C1orf167: variants seen among roughly 807,000 people sequenced by gnomAD.
C1orf167 encodes uncharacterized protein C1orf167.
Under a neutral mutation model 176.5 loss-of-function variants are expected in C1orf167, and 153 were observed. The ratio of observed to expected loss-of-function variants is 0.87; its 90% confidence interval spans 0.76 to 0.99. The LOEUF (loss-of-function observed/expected upper bound fraction) is 0.99, where lower values mean the gene tolerates loss of function less well. C1orf167 is among the 50% of genes least tolerant of loss of function. The pLI is 0.00. For synonymous variants in C1orf167, 594 were observed against 752.7 expected (o/e 0.79, Z 3.45); for missense variants, 1,490 against 1,817.7 (o/e 0.82, Z 3.28).
chr1:11,765,927 C>T lies in C1orf167; in HGVS notation c.141C>T (p.Cys47=), dbSNP rs1409395642. The T allele has an allele frequency of 8.1e-7, 1 of 1,240,284 alleles. No homozygotes were observed. The highest frequency in any genetic ancestry group is 1.0e-6 in the Non-Finnish European group (1 of 964,758). 76.8% of individuals were successfully genotyped at this position (1,240,284 alleles called of 1,614,324 possible). Residue 47 remains cysteine, a synonymous_variant, in exon 3 of 21, where the codon TGC becomes TGT. Transcript: ENST00000688073. ...GACATGACCAGTGGGTGCCCGGGTG[C>T]CAGGTGGAGAGGGGAGGGCCTGCTG... ...SGRHDQWVPG[C]QVERGGPAAT...
chr1:11,765,026 C>T (rs1394865366), intron 2 of C1orf167, among the ~76,000 whole-genome samples: 1 of 116,824 alleles, frequency 8.6e-6, no homozygotes, highest in East Asian at 3.0e-4. Flanking sequence ...TGTGCTCTAG[C>T]CTGAGCCACA....
rs1178098546 is a variant in C1orf167 at position 11,764,368 on chromosome 1, G to A, written c.-33G>A. 1 of 1,283,912 alleles carries A rather than the reference G, an allele frequency of 7.8e-7. No individual in the cohort carries two copies. The highest frequency in any genetic ancestry group is 2.3e-5 in the Admixed American group (1 of 43,564). The allele number at this position is 1,283,912 out of a possible 1,614,324, so 79.5% of individuals were successfully genotyped here. Reference sequence around the variant, plus strand: ...TAAACAGACCAGGCCACTCACTGTGGAGTGGACCAAGGATACTCCTGTCCC... The same window carrying A: ...TAAACAGACCAGGCCACTCACTGTGAAGTGGACCAAGGATACTCCTGTCCC... On this transcript the variant is annotated 5_prime_UTR_variant, in exon 2 of 21. Transcript: ENST00000688073.
At chr1:11,788,790 C>T in intron 20 of C1orf167, 44 bp downstream of exon 20, 1 of 1,293,234 alleles carries the variant, frequency 7.7e-7, no homozygotes, top group Non-Finnish European at 1.0e-6. Flanking sequence ...GCATTCCACT[C>T]AGCCAGCCTT....
rs961334793 is a variant in C1orf167, at chr1:11,762,195, C to T, written c.-181C>T. Reference sequence around the variant, plus strand: ...CGGGGCAGCACGCTCTGCTCTCCGACGTCCCCTCCCGCCCGCGACCTGCCG... The same window carrying T: ...CGGGGCAGCACGCTCTGCTCTCCGATGTCCCCTCCCGCCCGCGACCTGCCG... On this transcript the variant is annotated 5_prime_UTR_variant, in exon 1 of 21. The change creates a new upstream start codon in the 5' untranslated region. Transcript: ENST00000688073. The T allele has an allele frequency of 8.9e-6, 4 of 449,276 alleles. No individual in the cohort carries two copies. Among genetic ancestry groups the T allele is most frequent in the Admixed American group, 2.4e-5 (1 of 42,210 alleles). The allele number at this position is 449,276 out of a possible 1,614,324, so 27.8% of individuals were successfully genotyped here.
At chr1:11,767,863 C>T (rs1480477942) in intron 4 of C1orf167, among the ~76,000 whole-genome samples, 1 of 152,122 alleles carries the variant, frequency 6.6e-6, no homozygotes, top group African/African-American at 2.4e-5. Flanking sequence ...AGAGGGCATT[C>T]TCCCACCCCC....
rs151261968 is a variant in C1orf167 at position 11,781,988 on chromosome 1, A to G, written c.2861-201A>G. On this transcript the variant is annotated intron_variant, in intron 13 of 20. Transcript: ENST00000688073. The stretch of plus-strand genomic sequence containing the variant: ...AAATACTGTGGCAAAATTAACAAAC[A>G]AAAACAAACCCAACAACTCTATGAG... 1.8e-3 allele frequency among the ~76,000 whole-genome samples: 268 copies of G among 152,312 alleles called. 7 individuals are homozygous for G. Among genetic ancestry groups the G allele is most frequent in the African/African-American group, 5.9e-3 (244 of 41,562 alleles).
At position 11,779,929 on chromosome 1, in the gene C1orf167, C is replaced by T. The variant is rs1185127134; in HGVS notation, c.2779C>T (p.Arg927Trp). 3.8e-6 allele frequency: 5 copies of T among 1,302,216 alleles called. No homozygotes were observed. In the African/African-American group the frequency reaches 4.6e-5, roughly 12 times the overall value. The allele number at this position is 1,302,216 out of a possible 1,614,324, so 80.7% of individuals were successfully genotyped here. The part of the protein sequence containing the change: ...GLWRQRLLQS[R>W]LVEWWAQERG... ...GTGGCGTCAGCGGCTGCTGCAGTCA[C>T]GGCTGGTGGAGTGGTGGGCCCAGGA... Residue 927 changes from arginine (R) to tryptophan (W), a missense_variant, in exon 13 of 21, where the codon CGG becomes TGG. Arg to Trp is a moderately radical substitution (Grantham distance 101). Coordinates refer to ENST00000688073, the MANE Select transcript of C1orf167 (RefSeq NM_001010881.2).
chr1:11,787,410 CCA>C lies in C1orf167; in HGVS notation c.3593_3594del (p.Thr1198ArgfsTer48), dbSNP rs1401118424. 1 of 1,301,956 alleles carries C rather than the reference CCA, an allele frequency of 7.7e-7. No individual in the cohort carries two copies. Among genetic ancestry groups the C allele is most frequent in the African/African-American group, 1.5e-5 (1 of 65,942 alleles). 80.7% of individuals were successfully genotyped at this position (1,301,956 alleles called of 1,614,324 possible). On this transcript the variant is annotated frameshift_variant, in exon 17 of 21. Coordinates refer to ENST00000688073, the MANE Select transcript of C1orf167 (RefSeq NM_001010881.2). LOFTEE classifies it high-confidence loss of function. ...CAGACCCGCAGCTGCTGGACACAGG[CCA>C]CAGAGCTGGTGCCTCCCGCGCCATC...
In C1orf167 at chr1:11,785,070, C is replaced by T. The variant is rs942608612; in HGVS notation, c.3426-78C>T. 8 of 1,143,734 alleles carry T rather than the reference C, an allele frequency of 7.0e-6. No individual in the cohort carries two copies. The African/African-American group carries it at 8.2e-5, about 12-fold the overall frequency. The allele number at this position is 1,143,734 out of a possible 1,614,324, so 70.8% of individuals were successfully genotyped here. A position where few individuals can be genotyped will look rare whatever the true frequency, so the allele number is the denominator to read the frequency against. On this transcript the variant is annotated intron_variant, in intron 15 of 20. Coordinates refer to ENST00000688073, the MANE Select transcript of C1orf167 (RefSeq NM_001010881.2). ...GGGCTGGGCCCGGAAGGCCCCCTCC[C>T]GCAGGGCACTGGGGGGGCTCCCTGC... is the stretch of plus-strand genomic sequence containing the variant.
chr1:11,779,121 A>C, intron 12 of C1orf167, 41 bp downstream of exon 12: 3 of 1,211,362 alleles, frequency 2.5e-6, no homozygotes, highest in Non-Finnish European at 1.1e-6. Context: ...CTATGGACTT[A>C]CTGTTTCCCG....
chr1:11,776,521 A>T lies in C1orf167; in HGVS notation c.2222A>T (p.Gln741Leu). Residue 741 changes from glutamine to leucine, a missense_variant, in exon 10 of 21, where the codon CAG becomes CTG. Physicochemically the swap from Gln to Leu is moderately radical, Grantham distance 113. Coordinates refer to ENST00000688073, the MANE Select transcript of C1orf167 (RefSeq NM_001010881.2). ...GCCTGTGGCCTGGGTGCAGTGGGCCAGGCCCAGGGGCAGCAGGAGCAAGGC... is the reference window on the plus strand; with the variant it reads ...GCCTGTGGCCTGGGTGCAGTGGGCCTGGCCCAGGGGCAGCAGGAGCAAGGC... ...PGACGLGAVG[Q>L]AQGQQEQGRG... is the part of the protein sequence containing the mutation. 1 of 1,298,474 alleles carries T rather than the reference A, an allele frequency of 7.7e-7. No individual in the cohort carries two copies. The highest frequency in any genetic ancestry group is 5.7e-5 in the East Asian group (1 of 17,466). The allele number at this position is 1,298,474 out of a possible 1,614,324, so 80.4% of individuals were successfully genotyped here.
chr1:11,766,053 G>C lies in C1orf167; in HGVS notation c.267G>C (p.Thr89=), dbSNP rs958270790. The change falls in exon 3 of 21, where the codon ACG becomes ACC. Residue 89 remains threonine (T), a synonymous_variant. Transcript: ENST00000688073. The surrounding 1 kb of genome is among the most constrained non-coding windows in gnomAD (Gnocchi z 4.5). ...GPRLGLALKD[T]TGQLVNSSFW... is the part of the protein sequence containing the mutation. ...GCCTGGGCCTAGCTCTGAAGGACACGACTGGCCAACTGGTCAATTCAAGCT... is the reference window on the plus strand; with the variant it reads ...GCCTGGGCCTAGCTCTGAAGGACACCACTGGCCAACTGGTCAATTCAAGCT... The C allele has an allele frequency of 2.3e-6, 3 of 1,289,878 alleles. No homozygotes were observed. The highest frequency in any genetic ancestry group is 4.6e-5 in the Admixed American group (2 of 43,572). 79.9% of individuals were successfully genotyped at this position (1,289,878 alleles called of 1,614,324 possible).
In C1orf167 at chr1:11,768,955, C is replaced by G. The variant is rs892125045; in HGVS notation, c.1543-18C>G. 1.4e-5 allele frequency: 14 copies of G among 985,970 alleles called. No individual in the cohort carries two copies. In the East Asian group the frequency reaches 1.6e-3, roughly 112 times the overall value. 61.1% of individuals were successfully genotyped at this position (985,970 alleles called of 1,614,324 possible). On this transcript the variant is annotated intron_variant, in intron 5 of 20. Transcript: ENST00000688073. This position sits in a 1 kb window ranked among gnomAD's most constrained non-coding sequence, Gnocchi z 4.5. The stretch of plus-strand genomic sequence containing the variant: ...GATTCAAGGCCAACATCTCCTTTCC[C>G]CTTCTCTCTTGAGCCAGTGGAGAAA...
Position 11,776,596 on chromosome 1 carries a change from T to C in C1orf167, c.2297T>C (p.Leu766Pro). 8.2e-7 allele frequency: 1 copy of C among 1,214,404 alleles called. No individual in the cohort carries two copies. Among genetic ancestry groups the C allele is most frequent in the Non-Finnish European group, 1.1e-6 (1 of 945,720 alleles). 75.2% of individuals were successfully genotyped at this position (1,214,404 alleles called of 1,614,324 possible). The change falls in exon 10 of 21, where the codon CTG becomes CCG. Residue 766 changes from leucine (L) to proline (P), a missense_variant. Physicochemically the swap from Leu to Pro is moderately conservative, Grantham distance 98. Transcript: ENST00000688073. Reference sequence around the variant, plus strand: ...TGGACACTGGCCCTCTGCTGGGCGCTGCTGCTGTGGAAGATGCGGCTTTTC... The same window carrying C: ...TGGACACTGGCCCTCTGCTGGGCGCCGCTGCTGTGGAAGATGCGGCTTTTC... Reference protein sequence around the residue: ...ACWTLALCWALLLWKMRLFQR... With the variant: ...ACWTLALCWAPLLWKMRLFQR...
chr1:11,780,082 G>GA (rs1643525130), intron 13 of C1orf167, 72 bp downstream of exon 13: 2 of 1,132,426 alleles, frequency 1.8e-6, no homozygotes, highest in Non-Finnish European at 2.3e-6. Context: ...CCAGACTGCA[G>GA]CCCTGGCCAA....
At chr1:11,775,349 G>A (rs755775000) in intron 8 of C1orf167, 86 bp from the exon 9 acceptor site, 49 of 1,065,244 alleles carry the variant, frequency 4.6e-5, no homozygotes, top group Non-Finnish European at 6.1e-5. Flanking sequence ...CAAGGCCTGG[G>A]TAGTGTGTCT....
At chr1:11,762,417 G>A (rs1408243776) in intron 1 of C1orf167, 112 bp downstream of exon 1, 4 of 349,354 alleles carry the variant, frequency 1.1e-5, no homozygotes, top group Admixed American at 3.8e-5. Flanking sequence ...AGTGGGAGGG[G>A]GGAGTCTGAG....
chr1:11,785,328 C>A (rs1428914400), intron 16 of C1orf167, 39 bp downstream of exon 16: 2 of 1,246,644 alleles, frequency 1.6e-6, no homozygotes, highest in Admixed American at 2.5e-5. Flanking sequence ...CGCTCTGGCC[C>A]CGGATGGCCA....
At chr1:11,773,980 T>C (rs1435597839) in intron 8 of C1orf167, among the ~76,000 whole-genome samples, 1 of 150,346 alleles carries the variant, frequency 6.7e-6, no homozygotes, top group Non-Finnish European at 1.5e-5. Flanking sequence ...CATGTCTCAC[T>C]GTAGCCTCAA....
Sources: gnomAD v4.1 joint callset for allele counts (sites outside exome capture counted in the v4.1 genomes callset) on GRCh38, gnomAD v4.1.1 for gene constraint, Gnocchi (gnomAD v3.1) non-coding constraint, MANE v1.5 for transcripts, NCBI Gene and HGNC (gene_info 2026-07-23, HGNC 2026-07-21) for gene names.